CTNND2: variants seen among roughly 807,000 people sequenced by gnomAD.
CTNND2 encodes the protein catenin delta-2.
In CTNND2, 22 loss-of-function variants were observed where a neutral mutation model predicts 144.4. The observed-to-expected ratio is 0.15, with a 90% confidence interval of 0.11 to 0.22. The LOEUF (loss-of-function observed/expected upper bound fraction) is 0.22, where lower values mean the gene tolerates loss of function less well. Ranked by LOEUF, CTNND2 falls within the 10% of genes least tolerant of loss-of-function variation. The probability of loss-of-function intolerance (pLI) is 1.00; values close to 1 mark genes in which losing one functional copy is unlikely to be tolerated. For synonymous variants in CTNND2, 751 were observed against 695.6 expected, an observed-to-expected ratio of 1.08 and a Z score of -1.25; for missense variants, 1,353 against 1,618.8, an observed-to-expected ratio of 0.84 and a Z score of 2.82.
chr5:11,791,505 G>A (rs187124603), intron 1 of CTNND2, among the ~76,000 whole-genome samples: 16 of 152,308 alleles, frequency 1.1e-4, no homozygotes, highest in Admixed American at 9.8e-4. Context: ...TAAATGCCAC[G>A]ATGGCTACTT....
intron 12 of CTNND2, among the ~76,000 whole-genome samples, chr5:11,124,524 G>C (rs139640927): frequency 1.5e-3 from 226 of 152,252 alleles, no homozygotes; most frequent in Non-Finnish European, 2.4e-3. Flanking sequence ...CCTAGATCAG[G>C]AGTTAAAAAC....
At chr5:11,030,298 G>C (rs1408232277) in intron 16 of CTNND2, among the ~76,000 whole-genome samples, 4 of 152,030 alleles carry the variant, frequency 2.6e-5, no homozygotes, top group Non-Finnish European at 5.9e-5. Flanking sequence ...AATTTGGTAA[G>C]TTTTCAGCCA....
chr5:11,541,315 T>C (rs1313625433), intron 3 of CTNND2, among the ~76,000 whole-genome samples: 1 of 152,196 alleles, frequency 6.6e-6, no homozygotes, highest in African/African-American at 2.4e-5. Context: ...TGGAACACAC[T>C]TAAAATTACT....
chr5:11,424,825 G>A (rs993854074), intron 3 of CTNND2, among the ~76,000 whole-genome samples: 5 of 152,034 alleles, frequency 3.3e-5, no homozygotes, highest in Non-Finnish European at 5.9e-5. Context: ...AGAAAGAAAA[G>A]AAGGAAGGAA....
chr5:11,029,148 C>T (rs1743181681), intron 16 of CTNND2, among the ~76,000 whole-genome samples: 1 of 152,134 alleles, frequency 6.6e-6, no homozygotes, highest in African/African-American at 2.4e-5. Flanking sequence ...GTACAAATAT[C>T]CTTTTACTTT....
At chr5:11,587,256 A>T (rs80288069) in intron 2 of CTNND2, among the ~76,000 whole-genome samples, 1 of 152,116 alleles carries the variant, frequency 6.6e-6, no homozygotes, top group East Asian at 1.9e-4. Context: ...AGTTTTCTTA[A>T]ATCACTTTCT....
intron 3 of CTNND2, among the ~76,000 whole-genome samples, chr5:11,473,931 A>G (rs1393081551): frequency 6.6e-6 from 1 of 152,190 alleles, no homozygotes; most frequent in Non-Finnish European, 1.5e-5. Flanking sequence ...TTCCTCTCAA[A>G]TATTTTTAAG....
At chr5:11,267,958 G>T (rs535495991) in intron 9 of CTNND2, among the ~76,000 whole-genome samples, 31 of 152,314 alleles carry the variant, frequency 2.0e-4, no homozygotes, top group African/African-American at 7.2e-4. Flanking sequence ...ACTTTAATGA[G>T]AAAACTAGAA....
chr5:11,676,383 T>C (rs1376373161), intron 2 of CTNND2, among the ~76,000 whole-genome samples: 1 of 152,026 alleles, frequency 6.6e-6, no homozygotes, highest in Non-Finnish European at 1.5e-5. Context: ...ATCTTTAGTA[T>C]TGTCAATCTA....
At chr5:10,983,461 CTA>C (rs1175712099) in intron 20 of CTNND2, among the ~76,000 whole-genome samples, 1 of 152,162 alleles carries the variant, frequency 6.6e-6, no homozygotes, top group African/African-American at 2.4e-5. Flanking sequence ...CTCTCAAGGT[CTA>C]AGTTCACTCC....
At chr5:11,420,760 A>G (rs537911313) in intron 3 of CTNND2, among the ~76,000 whole-genome samples, 9 of 152,170 alleles carry the variant, frequency 5.9e-5, no homozygotes, top group Non-Finnish European at 1.0e-4. Context: ...TCTGCCATGC[A>G]ATTAGAATGC....
At chr5:11,161,993 T>C (rs1758808629) in intron 11 of CTNND2, among the ~76,000 whole-genome samples, 1 of 151,776 alleles carries the variant, frequency 6.6e-6, no homozygotes, top group Non-Finnish European at 1.5e-5. Context: ...CTACTAAAAA[T>C]ACAAAAAGTA....
At chr5:11,111,824 T>A (rs960683528) in intron 13 of CTNND2, among the ~76,000 whole-genome samples, 2 of 151,976 alleles carry the variant, frequency 1.3e-5, no homozygotes, top group Non-Finnish European at 2.9e-5. Flanking sequence ...GTACGCAGAA[T>A]AATGGCCCTC....
intron 11 of CTNND2, among the ~76,000 whole-genome samples, chr5:11,172,080 C>A (rs1759984209): frequency 6.6e-6 from 1 of 152,100 alleles, no homozygotes; most frequent in Non-Finnish European, 1.5e-5. Flanking sequence ...TACTTTCGCG[C>A]CATAATATTT....
intron 11 of CTNND2, among the ~76,000 whole-genome samples, chr5:11,185,793 C>G (rs1463605505): frequency 6.6e-6 from 1 of 152,250 alleles, no homozygotes; most frequent in Non-Finnish European, 1.5e-5. Flanking sequence ...GGGATGTAGA[C>G]GTTATATAAT....
chr5:11,306,301 TAC>T (rs1458284464), intron 9 of CTNND2, among the ~76,000 whole-genome samples: 1 of 152,166 alleles, frequency 6.6e-6, no homozygotes, highest in African/African-American at 2.4e-5. Context: ...TGTTTGAAAA[TAC>T]AGTTGTTCTT....
chr5:11,046,878 C>T (rs191720137), intron 16 of CTNND2, among the ~76,000 whole-genome samples: 1 of 152,146 alleles, frequency 6.6e-6, no homozygotes, highest in African/African-American at 2.4e-5. Context: ...AGGCTTCAAG[C>T]TCCCTGGAGT....
intron 2 of CTNND2, among the ~76,000 whole-genome samples, chr5:11,590,767 CA>C (rs71595825): frequency 0.098 from 14,867 of 152,126 alleles, 912 homozygotes; most frequent in East Asian, 0.29. Flanking sequence ...TCCCTGCCCG[CA>C]AAAAAACTGC....
intron 12 of CTNND2, among the ~76,000 whole-genome samples, chr5:11,130,847 T>G (rs1185564512): frequency 6.6e-6 from 1 of 152,186 alleles, no homozygotes; most frequent in Non-Finnish European, 1.5e-5. Flanking sequence ...AATGTTTTAC[T>G]CTGGCACATT....
Sources: gnomAD v4.1 joint callset for allele counts (sites outside exome capture counted in the v4.1 genomes callset) on GRCh38, gnomAD v4.1.1 for gene constraint, MANE v1.5 for transcripts, NCBI Gene and HGNC (gene_info 2026-07-23, HGNC 2026-07-21) for gene names.